The following PARVG variants were observed in gnomAD, a reference collection of about 807,000 sequenced individuals.
The protein encoded by PARVG is gamma-parvin.
PARVG carries 36 observed loss-of-function variants against 44.4 expected under a neutral mutation model. The ratio of observed to expected loss-of-function variants is 0.81; its 90% CI spans 0.62 to 1.07. The LOEUF (loss-of-function observed/expected upper bound fraction) is 1.07. Ranked by LOEUF, PARVG falls within the 50% of genes least tolerant of loss-of-function variation. The pLI is 0.00. For missense variants in PARVG, 407 were observed against 407.4 expected, an observed-to-expected ratio of 1.00 and a Z score of 0.01; for synonymous variants, 170 against 174.1, an observed-to-expected ratio of 0.98 and a Z score of 0.19.
At chr22:44,196,860 A>G (rs1351750302) in intron 11 of PARVG, among the ~76,000 whole-genome samples, 1 of 152,122 alleles carries the variant, frequency 6.6e-6, no homozygotes, top group Non-Finnish European at 1.5e-5. Context: ...TGAGGAGCCC[A>G]GCCCCTCCCC....
chr22:44,176,047 G>C (rs1042559288), upstream of PARVG, among the ~76,000 whole-genome samples: 1 of 152,150 alleles, frequency 6.6e-6, no homozygotes, highest in South Asian at 2.1e-4. Context: ...TGATGTTCTC[G>C]ATGGCTTTGG....
chr22:44,207,977 C>G lies in PARVG; in HGVS notation c.*1551C>G, dbSNP rs1421099357. ...AGCTCCTTCCACCTGCTCAGGTGCC[C>G]CCTCCATTGCGATGCCCCCTCCAGC... On this transcript the variant is annotated 3_prime_UTR_variant, in exon 14 of 14. Transcript: ENST00000444313. 1 of 152,494 alleles carries G rather than the reference C, an allele frequency of 6.6e-6. No homozygotes were observed. The highest frequency in any genetic ancestry group is 2.4e-5 in the African/African-American group (1 of 41,428). 9.4% of individuals were successfully genotyped at this position (152,494 alleles called of 1,614,324 possible). A position where few individuals can be genotyped will look rare whatever the true frequency, so the allele number is the denominator to read the frequency against.
In PARVG at chr22:44,196,250, G is replaced by T. The variant is rs1483884574; in HGVS notation, c.642+37G>T. The T allele has an allele frequency of 3.1e-6, 5 of 1,613,960 alleles. No individual in the cohort carries two copies. In the African/African-American group the frequency reaches 4.0e-5, roughly 13 times the overall value. ...CAAAGCTCTCAGCGGCTCTCAGGCT[G>T]CCCACCCCACCCACTGCCCACCTGC... is the stretch of plus-strand genomic sequence containing the variant. On this transcript the variant is annotated intron_variant, in intron 10 of 13. Transcript: ENST00000444313.
chr22:44,196,105 A>G, intron 9 of PARVG, 50 bp from the exon 10 acceptor site: 1 of 1,607,312 alleles, frequency 6.2e-7, no homozygotes, highest in Non-Finnish European at 8.5e-7. Flanking sequence ...CCTGTTTGGC[A>G]CAAAGATAAT....
intron 7 of PARVG, among the ~76,000 whole-genome samples, 168 bp from the exon 8 acceptor site, chr22:44,191,881 G>A (rs1359508801): frequency 1.3e-5 from 2 of 152,158 alleles, no homozygotes; most frequent in Non-Finnish European, 2.9e-5. Context: ...GGATGCCTTG[G>A]GGAGTGAGGC....
chr22:44,172,952 C>T (rs1056082115), upstream of PARVG: 30 of 1,279,930 alleles, frequency 2.3e-5, no homozygotes, highest in Admixed American at 1.6e-4. Flanking sequence ...GGCCTGTCCA[C>T]CGTCTTTGTT....
At position 44,193,831 on chromosome 22, in the gene PARVG, C is replaced by T. The variant is rs771312143; in HGVS notation, c.583+8C>T. The stretch of plus-strand genomic sequence containing the variant: ...ACAAGGACGAGCCTCCAAGTGAGTA[C>T]TTTCATCATTTTTGGAAATCTGTTC... On this transcript the variant is annotated splice_region_variant and intron_variant, in intron 9 of 13. Transcript: ENST00000444313. 6.2e-7 allele frequency: 1 copy of T among 1,614,106 alleles called. No homozygotes were observed. Among genetic ancestry groups the T allele is most frequent in the South Asian group, 1.1e-5 (1 of 91,064 alleles).
rs1270911752 is a variant in PARVG at position 44,190,543 on chromosome 22, C to T, written c.389-8C>T. 11 of 1,611,312 alleles carry T rather than the reference C, an allele frequency of 6.8e-6. No homozygotes were observed. The South Asian group carries it at 1.1e-4, about 16-fold the overall frequency. On this transcript the variant is annotated splice_region_variant and splice_polypyrimidine_tract_variant and intron_variant, in intron 6 of 13. Transcript: ENST00000444313. ...CTGGGCTCTGACCTGTCTCCACTCTCTTCCCAGGCATCTTCAACAAGGACC... is the reference window on the plus strand; with the variant it reads ...CTGGGCTCTGACCTGTCTCCACTCTTTTCCCAGGCATCTTCAACAAGGACC...
intron 1 of PARVG, chr22:44,173,277 A>T: frequency 9.1e-7 from 1 of 1,102,724 alleles, no homozygotes; most frequent in African/African-American, 1.7e-5. Context: ...AGGCTGCATG[A>T]CACATGGAGG....
At chr22:44,175,200 C>T (rs6006691) in intron 1 of PARVG, among the ~76,000 whole-genome samples, 78,442 of 152,162 alleles carry the variant, frequency 0.52, 21,379 homozygotes, top group African/African-American at 0.68. Flanking sequence ...CAGAAAGGCC[C>T]CCCAATTCAG....
At chr22:44,194,996 C>A (rs1304405216) in intron 9 of PARVG, among the ~76,000 whole-genome samples, 1 of 152,188 alleles carries the variant, frequency 6.6e-6, no homozygotes, top group Non-Finnish European at 1.5e-5. Context: ...CCTCCCTATA[C>A]CCTCCCCACT....
upstream of PARVG, among the ~76,000 whole-genome samples, chr22:44,176,414 G>T (rs573483270): frequency 6.6e-6 from 1 of 152,092 alleles, no homozygotes; most frequent in African/African-American, 2.4e-5. Flanking sequence ...ATTTTTTCTT[G>T]ATATTTTTAA....
chr22:44,195,149 G>A (rs2054601921), intron 9 of PARVG, among the ~76,000 whole-genome samples: 1 of 152,164 alleles, frequency 6.6e-6, no homozygotes. Flanking sequence ...GGGCAAGGAG[G>A]GCTGGCTGAG....
upstream of PARVG, among the ~76,000 whole-genome samples, chr22:44,180,569 G>A (rs2054361323): frequency 2.6e-5 from 4 of 152,146 alleles, no homozygotes; most frequent in Admixed American, 2.6e-4. Context: ...GTCTAGCACG[G>A]GCACTTCAGA....
At chr22:44,189,023 C>A in intron 5 of PARVG, 91 bp from the exon 6 acceptor site, 1 of 1,543,896 alleles carries the variant, frequency 6.5e-7, no homozygotes. Flanking sequence ...TTCCCTGAAG[C>A]ACCAGGCAGG....
At chr22:44,185,699 A>G (rs1306422614) in intron 3 of PARVG, 109 bp from the exon 4 acceptor site, 3 of 881,156 alleles carry the variant, frequency 3.4e-6, no homozygotes, top group Middle Eastern at 2.4e-4. Context: ...AAGTGGCAGG[A>G]CCGGTGCCCC....
intron 9 of PARVG, among the ~76,000 whole-genome samples, chr22:44,195,383 C>T (rs577848746): frequency 6.6e-6 from 1 of 152,350 alleles, no homozygotes; most frequent in Admixed American, 6.5e-5. Flanking sequence ...TAGAGTCACA[C>T]AGCTGCTGAG....
rs2054803244 is a variant in PARVG at position 44,208,106 on chromosome 22, A to T, written c.*1680A>T. The T allele has an allele frequency of 6.6e-6, 1 of 152,142 alleles. No homozygotes were observed. Among genetic ancestry groups the T allele is most frequent in the Non-Finnish European group, 1.5e-5 (1 of 68,058 alleles). The allele number at this position is 152,142 out of a possible 1,614,324, so 9.4% of individuals were successfully genotyped here. A position where few individuals can be genotyped will look rare whatever the true frequency, so the allele number is the denominator to read the frequency against. On this transcript the variant is annotated 3_prime_UTR_variant, in exon 14 of 14. Transcript: ENST00000444313. ...CCAGCCCCACTTCCTGGGGCCTTTG[A>T]GTCCTCACTTGCTTGGGCCCCATCC...
rs141973510 is a variant in PARVG, at chr22:44,186,554, C to T, written c.144+682C>T. 1,032 of 471,194 alleles carry T rather than the reference C, an allele frequency of 2.2e-3. 9 individuals carry two copies. The highest frequency in any genetic ancestry group is 0.017 in the African/African-American group (838 of 50,210). The allele number at this position is 471,194 out of a possible 1,614,324, so 29.2% of individuals were successfully genotyped here. On this transcript the variant is annotated intron_variant, in intron 4 of 13. Transcript: ENST00000444313. ...CTTCCTATTCCCTCACTCCATCCAT[C>T]CACCTTTCCCACCTTTGACCAGCAC...
Sources: allele counts gnomAD v4.1 joint callset (sites outside exome capture counted in the v4.1 genomes callset), GRCh38; gene constraint gnomAD v4.1.1; transcripts MANE v1.5; gene names NCBI Gene and HGNC (gene_info 2026-07-23, HGNC 2026-07-21).